Variants in RBBP8NL observed in about 807,000 individuals in gnomAD.
RBBP8NL encodes RBBP8 N-terminal-like protein.
RBBP8NL carries 59 observed loss-of-function variants against 62.2 expected under a neutral mutation model. The ratio of observed to expected loss-of-function variants is 0.95; its 90% CI spans 0.77 to 1.18. RBBP8NL has a LOEUF of 1.18. RBBP8NL is among the 50% of genes most tolerant of loss of function. RBBP8NL has a pLI of 0.00. For missense variants in RBBP8NL, 896 were observed against 899.5 expected, an observed-to-expected ratio of 1.00 and a Z score of 0.05; for synonymous variants, 412 against 394.1, an observed-to-expected ratio of 1.05 and a Z score of -0.54.
chr20:62,416,335 C>T (rs1354161408), intron 5 of RBBP8NL, 99 bp from the exon 6 acceptor site: 5 of 1,103,040 alleles, frequency 4.5e-6, no homozygotes, highest in African/African-American at 3.1e-5. Flanking sequence ...AGCAGTGCCC[C>T]CAGCACGTAG....
chr20:62,417,500 C>A (rs1411722648), intron 3 of RBBP8NL, among the ~76,000 whole-genome samples, 181 bp from the exon 4 acceptor site: 1 of 134,336 alleles, frequency 7.4e-6, no homozygotes, highest in African/African-American at 3.6e-5. Flanking sequence ...CTGTCCCGTC[C>A]ACGCAGCCCC....
chr20:62,414,197 A>G lies in RBBP8NL; in HGVS notation c.1154T>C (p.Leu385Pro), dbSNP rs771209233. 4 of 1,609,064 alleles carry G rather than the reference A, an allele frequency of 2.5e-6. No individual in the cohort carries two copies. In the South Asian group the frequency reaches 4.4e-5, roughly 18 times the overall value. The change falls in exon 10 of 14, where the codon CTG (leucine) becomes CCG (proline). Residue 385 changes from leucine (L) to proline (P), a missense_variant. Coordinates refer to ENST00000252998, the MANE Select transcript of RBBP8NL (RefSeq NM_080833.3). ...GTCTGAGCCGACTGGTAGGGAGGGCAGCATCTCCCCGGGTGTGGGCTGGCC... is the reference window on the plus strand; with the variant it reads ...GTCTGAGCCGACTGGTAGGGAGGGCGGCATCTCCCCGGGTGTGGGCTGGCC... ...PRGQPTPGEMLPSLPVGSDSE... is the reference protein window; with the variant it reads ...PRGQPTPGEMPPSLPVGSDSE...
At chr20:62,416,294 T>TGGGGGGGTGGGGG in intron 5 of RBBP8NL, 58 bp from the exon 6 acceptor site, 1 of 515,302 alleles carries the variant, frequency 1.9e-6, no homozygotes, top group Non-Finnish European at 3.8e-6. Flanking sequence ...GGGGCAGGGG[T>TGGGGGGGTGGGGG]GGGGTCGTCA....
chr20:62,424,235 G>A (rs970335482), intron 1 of RBBP8NL, among the ~76,000 whole-genome samples: 3 of 152,034 alleles, frequency 2.0e-5, no homozygotes, highest in East Asian at 1.9e-4. Context: ...TGGAAGGAGT[G>A]GGGGAAGGGG....
At chr20:62,418,119 CAGA>C (rs1988622449) in intron 3 of RBBP8NL, among the ~76,000 whole-genome samples, 1 of 152,238 alleles carries the variant, frequency 6.6e-6, no homozygotes, top group Non-Finnish European at 1.5e-5. Flanking sequence ...AGTGTCTGAC[CAGA>C]CATGACCCCA....
chr20:62,419,758 T>G lies in RBBP8NL; in HGVS notation c.-83-28A>C. The G allele has an allele frequency of 2.5e-6, 3 of 1,219,254 alleles. No homozygotes were observed. The South Asian group carries it at 3.8e-5, about 15-fold the overall frequency. The allele number at this position is 1,219,254 out of a possible 1,614,324, so 75.5% of individuals were successfully genotyped here. On this transcript the variant is annotated intron_variant, in intron 1 of 13. Transcript: ENST00000252998. ...GAAGAGGAGGAAGAGGGGACAGGGA[T>G]CCGCTCAGGAAGGGCTTGTGGGCTG...
At chr20:62,420,373 C>CACACACACAT (rs1555892561) in intron 1 of RBBP8NL, among the ~76,000 whole-genome samples, 11 of 150,166 alleles carry the variant, frequency 7.3e-5, no homozygotes, top group African/African-American at 2.7e-4. Context: ...CACACACACA[C>CACACACACAT]ACACACACAC....
intron 5 of RBBP8NL, 58 bp from the exon 6 acceptor site, chr20:62,416,294 T>TGGGGGGGG: frequency 3.9e-6 from 2 of 515,306 alleles, no homozygotes; most frequent in East Asian, 4.7e-5. Context: ...GGGGCAGGGG[T>TGGGGGGGG]GGGGTCGTCA....
In RBBP8NL at chr20:62,416,155, C is replaced by A; in HGVS notation, c.386+9G>T. ...GGGTGTCTGAGCCCTGGGACCCTTTCCCACTCACCCCAGGCCCCGAAGCCG... is the reference window on the plus strand; with the variant it reads ...GGGTGTCTGAGCCCTGGGACCCTTTACCACTCACCCCAGGCCCCGAAGCCG... On this transcript the variant is annotated intron_variant, in intron 6 of 13. Transcript: ENST00000252998. The A allele has an allele frequency of 1.9e-6, 3 of 1,609,928 alleles. No individual in the cohort carries two copies. The highest frequency in any genetic ancestry group is 2.5e-6 in the Non-Finnish European group (3 of 1,178,154).
At chr20:62,419,815 G>A (rs769827930) in intron 1 of RBBP8NL, 85 bp from the exon 2 acceptor site, 3 of 677,672 alleles carry the variant, frequency 4.4e-6, no homozygotes, top group Non-Finnish European at 7.4e-6. Context: ...GGCTCCTTGT[G>A]TCTGTATGGA....
chr20:62,424,730 C>T (rs1190264518), intron 1 of RBBP8NL, among the ~76,000 whole-genome samples: 1 of 152,164 alleles, frequency 6.6e-6, no homozygotes, highest in Non-Finnish European at 1.5e-5. Context: ...GGACTCCCAC[C>T]TCCCTCTAAA....
rs755665498 is a variant in RBBP8NL, at chr20:62,415,863, C to T, written c.469G>A (p.Ala157Thr). ...CCTCCCGGTGGCTTCTCTGTGATGG[C>T]CTTCCAGCCACCAGGGGAGGGGAGC... is the stretch of plus-strand genomic sequence containing the variant. ...LLLPSPGGWKAITEKPPGGHE... is the reference protein window; with the variant it reads ...LLLPSPGGWKTITEKPPGGHE... Residue 157 changes from alanine to threonine, a missense_variant, in exon 7 of 14, where the codon GCC (alanine) becomes ACC (threonine). Coordinates refer to ENST00000252998, the MANE Select transcript of RBBP8NL (RefSeq NM_080833.3). 2 of 1,611,478 alleles carry T rather than the reference C, an allele frequency of 1.2e-6. No individual in the cohort carries two copies. Among genetic ancestry groups the T allele is most frequent in the Non-Finnish European group, 8.5e-7 (1 of 1,179,608 alleles).
rs2146449879 is a variant in RBBP8NL at position 62,427,523 on chromosome 20, G to A, written c.-147C>T. 6.6e-6 allele frequency: 1 copy of A among 152,406 alleles called. No homozygotes were observed. Among genetic ancestry groups the A allele is most frequent in the South Asian group, 2.1e-4 (1 of 4,830 alleles). The allele number at this position is 152,406 out of a possible 1,614,324, so 9.4% of individuals were successfully genotyped here. On this transcript the variant is annotated 5_prime_UTR_variant, in exon 1 of 14. Transcript: ENST00000252998. ...CGCGGAGTCCCCCACGCTCTTCACA[G>A]GGAGAGAGAAGTGAGCGGGCTGTGA...
At position 62,415,629 on chromosome 20, in the gene RBBP8NL, C is replaced by T; in HGVS notation, c.576G>A (p.Val192=). The change falls in exon 8 of 14, where the codon GTG becomes GTA. Residue 192 remains valine (V), a synonymous_variant. Coordinates refer to ENST00000252998, the MANE Select transcript of RBBP8NL (RefSeq NM_080833.3). ...GGGTGGCCCCTGGGGAGATTTTGGC[C>T]ACTGGAGATGTCCTGTGCCCTGCTG... ...EKPAGHRTSP[V]AKISPGATLP... 1 of 1,612,986 alleles carries T rather than the reference C, an allele frequency of 6.2e-7. No homozygotes were observed. Among genetic ancestry groups the T allele is most frequent in the Non-Finnish European group, 8.5e-7 (1 of 1,179,920 alleles).
chr20:62,417,135 CA>C, intron 4 of RBBP8NL, 88 bp downstream of exon 4: 1 of 1,013,162 alleles, frequency 9.9e-7, no homozygotes, highest in East Asian at 2.6e-5. Context: ...TGGAGTTTCC[CA>C]AACTCATTCT....
intron 1 of RBBP8NL, 70 bp from the exon 2 acceptor site, chr20:62,419,800 A>G (rs999981577): frequency 5.5e-6 from 4 of 728,798 alleles, no homozygotes; most frequent in African/African-American, 1.8e-5. Context: ...CCAGGAGAGG[A>G]TTGGGGCTCC....
At chr20:62,419,257 C>T (rs1988647387) in intron 2 of RBBP8NL, among the ~76,000 whole-genome samples, 1 of 152,186 alleles carries the variant, frequency 6.6e-6, no homozygotes, top group Non-Finnish European at 1.5e-5. Flanking sequence ...GAGAACAAAG[C>T]ATGGGCAGCA....
Position 62,418,445 on chromosome 20 carries a change from C to T in RBBP8NL, c.82G>A (p.Glu28Lys). The change falls in exon 3 of 14, where the codon GAA becomes AAA. Residue 28 changes from glutamate (E) to lysine (K), a missense_variant. Coordinates refer to ENST00000252998, the MANE Select transcript of RBBP8NL (RefSeq NM_080833.3). The part of the protein sequence containing the change: ...EVLGLQNKLL[E>K]LNSERCRDAQ... ...CACCGGCACCTCTCTGAGTTCAGTTCCAGAAGCTTGTTCTGCAGGCCTGGG... is the reference window on the plus strand; with the variant it reads ...CACCGGCACCTCTCTGAGTTCAGTTTCAGAAGCTTGTTCTGCAGGCCTGGG... The T allele has an allele frequency of 6.5e-7, 1 of 1,550,358 alleles. No homozygotes were observed. The highest frequency in any genetic ancestry group is 8.7e-7 in the Non-Finnish European group (1 of 1,146,944).
Position 62,415,991 on chromosome 20 carries a change from C to T in RBBP8NL, c.387-46G>A, listed in dbSNP as rs758233518. On this transcript the variant is annotated intron_variant, in intron 6 of 13. Transcript: ENST00000252998. Reference sequence around the variant, plus strand: ...GGGAGGGTGAGGGAGAGCAGCATCTCGGGAGATGATCAGAAAAGCCGGGCC... The same window carrying T: ...GGGAGGGTGAGGGAGAGCAGCATCTTGGGAGATGATCAGAAAAGCCGGGCC... 1.6e-4 allele frequency: 239 copies of T among 1,493,642 alleles called. 1 individual carries two copies. In the African/African-American group the frequency reaches 2.2e-3, roughly 14 times the overall value. 92.5% of individuals were successfully genotyped at this position (1,493,642 alleles called of 1,614,324 possible).
Sources: gnomAD v4.1 joint callset for allele counts (sites outside exome capture counted in the v4.1 genomes callset) on GRCh38, gnomAD v4.1.1 for gene constraint, MANE v1.5 for transcripts, NCBI Gene and HGNC (gene_info 2026-07-23, HGNC 2026-07-21) for gene names.